The following IFT57 variants were observed in gnomAD, a reference collection of about 807,000 sequenced individuals.
IFT57 encodes intraflagellar transport protein 57 homolog.
A neutral mutation model predicts 56.8 loss-of-function variants in IFT57; 59 were observed. That is an observed-to-expected ratio of 1.04 (90% CI 0.84 to 1.29). The LOEUF is 1.29. IFT57 is among the 50% of genes most tolerant of loss of function. The pLI is 0.00. For synonymous variants in IFT57, 209 were observed against 186.1 expected (o/e 1.12, Z -1.00); for missense variants, 470 against 522.1 (o/e 0.90, Z 0.97).
intron 6 of IFT57, among the ~76,000 whole-genome samples, chr3:108,189,274 T>C (rs553780166): frequency 3.9e-5 from 6 of 152,326 alleles, no homozygotes; most frequent in Admixed American, 2.6e-4. Flanking sequence ...TTACATTGAA[T>C]AGAATTTGTT....
chr3:108,196,984 A>G (rs1157217312), intron 5 of IFT57, among the ~76,000 whole-genome samples: 1 of 152,156 alleles, frequency 6.6e-6, no homozygotes, highest in Non-Finnish European at 1.5e-5. Context: ...TTGTTTTTCC[A>G]TTTCATAAAT....
At chr3:108,164,881 T>C (rs2080053203) in intron 9 of IFT57, among the ~76,000 whole-genome samples, 1 of 152,078 alleles carries the variant, frequency 6.6e-6, no homozygotes, top group Admixed American at 6.6e-5. Flanking sequence ...TTTTCCTCCT[T>C]TGGCTCTTCA....
At chr3:108,194,254 G>A (rs568875019) in intron 5 of IFT57, among the ~76,000 whole-genome samples, 1 of 152,094 alleles carries the variant, frequency 6.6e-6, no homozygotes, top group African/African-American at 2.4e-5. Flanking sequence ...ATTCACGACA[G>A]CTAAAATAAA....
chr3:108,178,985 A>G (rs1227477479), intron 6 of IFT57, among the ~76,000 whole-genome samples: 4 of 151,848 alleles, frequency 2.6e-5, no homozygotes, highest in Non-Finnish European at 5.9e-5. Context: ...AAGAATTTTC[A>G]TAGCAGCATT....
At chr3:108,205,312 T>C (rs1177605440) in intron 5 of IFT57, among the ~76,000 whole-genome samples, 1 of 152,036 alleles carries the variant, frequency 6.6e-6, no homozygotes, top group Non-Finnish European at 1.5e-5. Flanking sequence ...TTTATCTCAT[T>C]TACAGCTTAA....
chr3:108,209,048 G>C (rs1347582269), intron 4 of IFT57, among the ~76,000 whole-genome samples: 1 of 152,194 alleles, frequency 6.6e-6, no homozygotes, highest in African/African-American at 2.4e-5. Context: ...GGTGCTTACT[G>C]AAGGCAAGGG....
Position 108,195,043 on chromosome 3 carries a change from T to C in IFT57, c.655-3400A>G, listed in dbSNP as rs976841517. Among the ~76,000 whole-genome samples, 10 of 152,122 alleles carry C rather than the reference T, an allele frequency of 6.6e-5. No individual in the cohort carries two copies. In the East Asian group the frequency reaches 9.6e-4, roughly 15 times the overall value. On this transcript the variant is annotated intron_variant, in intron 5 of 10. Coordinates refer to ENST00000264538, the MANE Select transcript of IFT57 (RefSeq NM_018010.4). ...CAAAATGAAGAGACAACCCACAGAA[T>C]GGGAGAAAATATTTGCAAACTACCC...
intron 4 of IFT57, among the ~76,000 whole-genome samples, chr3:108,210,332 C>CTTTTTTTTTTTTTT (rs35896793): frequency 1.9e-5 from 2 of 107,988 alleles, no homozygotes; most frequent in African/African-American, 3.6e-5. Context: ...CAGAAATAAT[C>CTTTTTTTTTTTTTT]TTTTTTTTTT....
intron 6 of IFT57, among the ~76,000 whole-genome samples, chr3:108,190,744 G>A (rs1301112216): frequency 1.3e-5 from 2 of 152,156 alleles, no homozygotes; most frequent in Non-Finnish European, 2.9e-5. Flanking sequence ...AGTTAATCTG[G>A]TCTAATCCCT....
intron 6 of IFT57, 73 bp downstream of exon 6, chr3:108,191,448 G>T: frequency 3.0e-6 from 3 of 986,734 alleles, no homozygotes; most frequent in South Asian, 2.2e-5. Flanking sequence ...TTTATAATTG[G>T]GAGTACCCCT....
At chr3:108,204,233 G>A (rs2080296948) in intron 5 of IFT57, among the ~76,000 whole-genome samples, 1 of 152,082 alleles carries the variant, frequency 6.6e-6, no homozygotes. Context: ...GTACTCCATG[G>A]TTGACCATCC....
chr3:108,173,808 G>A (rs327162), intron 6 of IFT57, among the ~76,000 whole-genome samples: 48,952 of 126,854 alleles, frequency 0.39, 9,365 homozygotes, highest in Non-Finnish European at 0.48. Flanking sequence ...GTGTGTGTGT[G>A]TATATAATAT....
In IFT57 at chr3:108,170,106, T is replaced by A. The variant is rs1413119587; in HGVS notation, c.778-2242A>T. ...ACCGGAAAAAGACAAGCATGCCCTC[T>A]CACCCCACTCCTATTCAACATAGTA... On this transcript the variant is annotated intron_variant, in intron 6 of 10. Transcript: ENST00000264538. Among the ~76,000 whole-genome samples, 4 of 152,040 alleles carry A rather than the reference T, an allele frequency of 2.6e-5. No individual in the cohort carries two copies. The East Asian group carries it at 7.7e-4, about 29-fold the overall frequency.
rs1275547390 is a variant in IFT57, at chr3:108,161,311, TG to T, written c.*1165del. On this transcript the variant is annotated 3_prime_UTR_variant, in exon 11 of 11. Coordinates refer to ENST00000264538, the MANE Select transcript of IFT57 (RefSeq NM_018010.4). Reference sequence around the variant, plus strand: ...CAGGTAGTTTACATACACTTTCTCCTGTCTAAACTTATCTTAAACTAAAGAG... The same window carrying T: ...CAGGTAGTTTACATACACTTTCTCCTTCTAAACTTATCTTAAACTAAAGAG... 3 of 149,724 alleles carry T rather than the reference TG, an allele frequency of 2.0e-5. No individual in the cohort carries two copies. Among genetic ancestry groups the T allele is most frequent in the Admixed American group, 6.7e-5 (1 of 14,962 alleles). The allele number at this position is 149,724 out of a possible 1,614,324, so 9.3% of individuals were successfully genotyped here.
chr3:108,219,055 T>C (rs1250115641), intron 2 of IFT57, among the ~76,000 whole-genome samples: 1 of 152,134 alleles, frequency 6.6e-6, no homozygotes, highest in Non-Finnish European at 1.5e-5. Flanking sequence ...AAAGTACAAC[T>C]GCTGTCATGG....
intron 6 of IFT57, among the ~76,000 whole-genome samples, chr3:108,169,230 T>C (rs327166): frequency 0.98 from 149,810 of 152,112 alleles, 73,826 homozygotes; most frequent in East Asian, 1. Flanking sequence ...ATTTGCATTG[T>C]TCTAATTAAC....
rs2080316107 is a variant in IFT57 at position 108,206,695 on chromosome 3, TC to T, written c.586del (p.Glu196LysfsTer16). The T allele has an allele frequency of 8.2e-7, 1 of 1,214,044 alleles. No homozygotes were observed. Among genetic ancestry groups the T allele is most frequent in the South Asian group, 2.4e-5 (1 of 41,938 alleles). The allele number at this position is 1,214,044 out of a possible 1,614,324, so 75.2% of individuals were successfully genotyped here. On this transcript the variant is annotated frameshift_variant and splice_region_variant, in exon 5 of 11. Coordinates refer to ENST00000264538, the MANE Select transcript of IFT57 (RefSeq NM_018010.4). LOFTEE classifies it high-confidence loss of function. ...GTTTTCTTCATTATCTGTCTCTTCT[TC>T]CTTAGAAAATAAATTTTTAAAAAAT... ...TLNKVDEEFV[E>X]EETDNEENFI...
chr3:108,165,898 T>A (rs1162027305), intron 8 of IFT57, among the ~76,000 whole-genome samples: 1 of 151,984 alleles, frequency 6.6e-6, no homozygotes, highest in Non-Finnish European at 1.5e-5. Context: ...TGAATAAGGA[T>A]TAACATCCCG....
chr3:108,184,294 T>A (rs1213658297), intron 6 of IFT57, among the ~76,000 whole-genome samples: 4 of 152,164 alleles, frequency 2.6e-5, no homozygotes, highest in Non-Finnish European at 5.9e-5. Flanking sequence ...AGTGCAGCTG[T>A]CCCTTAAACA....
Sources: allele counts gnomAD v4.1 joint callset (sites outside exome capture counted in the v4.1 genomes callset), GRCh38; gene constraint gnomAD v4.1.1; transcripts MANE v1.5; gene names NCBI Gene and HGNC (gene_info 2026-07-23, HGNC 2026-07-21).